Variants in LINGO2 observed in about 807,000 individuals in gnomAD.
The protein encoded by LINGO2 is leucine rich repeat and Ig domain containing 2, also known as leucine-rich repeat and immunoglobulin-like domain-containing nogo receptor-interacting protein 2.
A neutral mutation model predicts 30.6 loss-of-function variants in LINGO2; 14 were observed. The observed-to-expected ratio is 0.46, with a 90% CI of 0.30 to 0.72. The LOEUF is 0.72. Ranked by LOEUF, LINGO2 falls within the 30% of genes least tolerant of loss-of-function variation. LINGO2 has a pLI of 0.07. For missense variants in LINGO2, 729 were observed against 751.7 expected, an observed-to-expected ratio of 0.97 and a Z score of 0.35; for synonymous variants, 317 against 288.5, an observed-to-expected ratio of 1.10 and a Z score of -1.00.
the LINGO2 span, among the ~76,000 whole-genome samples, chr9:28,833,392 T>TTGAC: frequency 6.6e-6 from 1 of 152,208 alleles, no homozygotes; most frequent in East Asian, 1.9e-4. Flanking sequence ...ATCATTCACA[T>TTGAC]TGACCATTGG....
At chr9:28,551,321 C>G (rs1822267487) in intron 1 of LINGO2, among the ~76,000 whole-genome samples, 1 of 151,656 alleles carries the variant, frequency 6.6e-6, no homozygotes, top group South Asian at 2.1e-4. Context: ...TTGTATCCAT[C>G]AATCTCTCTG....
chr9:28,461,009 A>G (rs1358161354), intron 2 of LINGO2, among the ~76,000 whole-genome samples: 1 of 152,202 alleles, frequency 6.6e-6, no homozygotes, highest in Non-Finnish European at 1.5e-5. Flanking sequence ...AAGATACAAT[A>G]TAACCCTAAA....
the LINGO2 span, among the ~76,000 whole-genome samples, chr9:29,024,715 A>C: frequency 6.6e-6 from 1 of 152,150 alleles, no homozygotes; most frequent in Non-Finnish European, 1.5e-5. Context: ...TGTCTCCTGC[A>C]TAATGACATA....
At chr9:28,400,515 G>A (rs1315886688) in intron 2 of LINGO2, among the ~76,000 whole-genome samples, 1 of 152,184 alleles carries the variant, frequency 6.6e-6, no homozygotes, top group Non-Finnish European at 1.5e-5. Flanking sequence ...GTATATCACT[G>A]GTTTAAACAA....
At chr9:27,981,364 C>T (rs1820845052) in intron 5 of LINGO2, among the ~76,000 whole-genome samples, 1 of 151,106 alleles carries the variant, frequency 6.6e-6, no homozygotes, top group Non-Finnish European at 1.5e-5. Flanking sequence ...CCTTATCACA[C>T]AGATAATAAA....
rs527726512 is a variant in LINGO2, at chr9:28,238,717, A to T, written c.-87+56491T>A. On this transcript the variant is annotated intron_variant, in intron 4 of 5. Coordinates refer to ENST00000379992, the Ensembl canonical transcript of LINGO2. ...AAGAAAAACTTCAAGTAGGTAACTT[A>T]ATGATGCATCTTAAAGAACTAGAAA... Among the ~76,000 whole-genome samples the T allele has an allele frequency of 5.3e-5, 8 of 152,250 alleles. No individual in the cohort carries two copies. The South Asian group carries it at 1.7e-3, about 32-fold the overall frequency.
the LINGO2 span, among the ~76,000 whole-genome samples, chr9:28,824,329 G>C: frequency 6.6e-6 from 1 of 152,274 alleles, no homozygotes; most frequent in East Asian, 1.9e-4. Context: ...CTTAGTGCTA[G>C]GAACCAAGAG....
chr9:28,647,948 A>T (rs965264223), intron 1 of LINGO2, among the ~76,000 whole-genome samples: 9 of 150,640 alleles, frequency 6.0e-5, no homozygotes, highest in Non-Finnish European at 1.2e-4. Context: ...AACCCTAGCA[A>T]AGTATTTAAA....
intron 4 of LINGO2, among the ~76,000 whole-genome samples, chr9:28,038,143 AATG>A (rs1161023174): frequency 6.6e-6 from 1 of 152,170 alleles, no homozygotes; most frequent in Non-Finnish European, 1.5e-5. Flanking sequence ...CATTTTCTGG[AATG>A]ATAAGAGGCA....
intron 1 of LINGO2, among the ~76,000 whole-genome samples, chr9:28,558,624 T>A (rs1295411568): frequency 1.3e-5 from 2 of 152,088 alleles, no homozygotes; most frequent in Non-Finnish European, 2.9e-5. Flanking sequence ...CATAATTTCA[T>A]CTCTTTTGGC....
the LINGO2 span, among the ~76,000 whole-genome samples, chr9:28,964,409 T>A: frequency 6.6e-6 from 1 of 151,886 alleles, no homozygotes; most frequent in South Asian, 2.1e-4. Context: ...GGGAGACCTT[T>A]CCAGAATATT....
the LINGO2 span, among the ~76,000 whole-genome samples, chr9:28,825,709 A>G: frequency 6.6e-6 from 1 of 152,104 alleles, no homozygotes; most frequent in East Asian, 1.9e-4. Flanking sequence ...ACTTTCCCCT[A>G]TCTACTTTAC....
chr9:28,136,462 A>G (rs1343452), intron 4 of LINGO2, among the ~76,000 whole-genome samples: 5 of 152,104 alleles, frequency 3.3e-5, no homozygotes, highest in African/African-American at 1.2e-4. Context: ...CACTTTTTGT[A>G]CAGTTAAGAT....
chr9:28,365,765 CTTT>C (rs34259621), intron 3 of LINGO2, among the ~76,000 whole-genome samples: 6,940 of 133,020 alleles, frequency 0.052, 429 homozygotes, highest in African/African-American at 0.16. Flanking sequence ...TTTGGATCCT[CTTT>C]TTTTTTTTTT....
rs142323071 is a variant in LINGO2, at chr9:27,995,560, T to C, written c.-36+16795A>G. On this transcript the variant is annotated intron_variant, in intron 5 of 5. Coordinates refer to ENST00000379992, the Ensembl canonical transcript of LINGO2. The stretch of plus-strand genomic sequence containing the variant: ...CATCAGGTGGGATTTATTCCAGAGA[T>C]GTAAAGATGGTTAATCACATTAGTA... 4.1e-3 allele frequency among the ~76,000 whole-genome samples: 617 copies of C among 152,260 alleles called. 2 individuals are homozygous for C. The highest frequency in any genetic ancestry group is 0.014 in the African/African-American group (587 of 41,578).
intron 4 of LINGO2, among the ~76,000 whole-genome samples, chr9:28,255,287 C>A (rs571369071): frequency 6.6e-6 from 1 of 151,946 alleles, no homozygotes; most frequent in South Asian, 2.1e-4. Flanking sequence ...AACATCTGTA[C>A]AGGTATTATA....
chr9:29,066,901 C>T, the LINGO2 span, among the ~76,000 whole-genome samples: 1 of 151,812 alleles, frequency 6.6e-6, no homozygotes, highest in African/African-American at 2.4e-5. Context: ...ACACCTCTTA[C>T]CTTCTAAGTT....
At chr9:28,967,592 G>C in the LINGO2 span, among the ~76,000 whole-genome samples, 3 of 152,010 alleles carry the variant, frequency 2.0e-5, no homozygotes, top group Non-Finnish European at 4.4e-5. Context: ...CTGACTTTTT[G>C]CCACCTACAT....
At chr9:28,404,900 T>TTGTGTGTGTGTGTGTGTGTG (rs60281661) in intron 2 of LINGO2, among the ~76,000 whole-genome samples, 57 of 102,550 alleles carry the variant, frequency 5.6e-4, no homozygotes, top group South Asian at 1.7e-3. Flanking sequence ...CTCAGCCGCT[T>TTGTGTGTGTGTGTGTGTGTG]TGTGTGTGTG....
Sources: gnomAD v4.1 joint callset for allele counts (sites outside exome capture counted in the v4.1 genomes callset) on GRCh38, gnomAD v4.1.1 for gene constraint, MANE v1.5 for transcripts, NCBI Gene and HGNC (gene_info 2026-07-23, HGNC 2026-07-21) for gene names.